The following ST18 variants were observed in gnomAD, a reference collection of about 807,000 sequenced individuals.
The protein encoded by ST18 is suppression of tumorigenicity 18 protein.
Under a neutral mutation model 110.0 loss-of-function variants are expected in ST18, and 50 were observed. The observed-to-expected ratio is 0.45, with a 90% CI of 0.36 to 0.58. The LOEUF (loss-of-function observed/expected upper bound fraction) is 0.58, where lower values mean the gene tolerates loss of function less well. ST18 is among the 20% of genes least tolerant of loss of function. The pLI is 0.00. For synonymous variants in ST18, 461 were observed against 452.4 expected (o/e 1.02, Z -0.24); for missense variants, 1,306 against 1,280.1 (o/e 1.02, Z -0.31).
chr8:52,308,235 C>T (rs956837305), intron 2 of ST18, among the ~76,000 whole-genome samples: 33 of 152,312 alleles, frequency 2.2e-4, no homozygotes, highest in African/African-American at 6.3e-4. Flanking sequence ...AAAACCACAT[C>T]GGCTGTGAGC....
chr8:52,211,602 T>C (rs1460080317), intron 8 of ST18, among the ~76,000 whole-genome samples: 2 of 152,044 alleles, frequency 1.3e-5, no homozygotes, highest in Non-Finnish European at 2.9e-5. Context: ...AGTCGGGGTT[T>C]CGCCATGTTG....
At chr8:52,133,532 AAT>A (rs2050648019) in intron 19 of ST18, among the ~76,000 whole-genome samples, 1 of 152,026 alleles carries the variant, frequency 6.6e-6, no homozygotes, top group Non-Finnish European at 1.5e-5. Context: ...AATCAATTTA[AAT>A]ATTTTTAAGG....
intron 15 of ST18, 29 bp from the exon 16 acceptor site, chr8:52,150,006 T>C: frequency 6.3e-7 from 1 of 1,594,690 alleles, no homozygotes; most frequent in Non-Finnish European, 8.5e-7. Flanking sequence ...CAGAAAAACA[T>C]TTAAGCAGTT....
At chr8:52,219,358 T>C (rs1588723299) in intron 5 of ST18, among the ~76,000 whole-genome samples, 1 of 152,210 alleles carries the variant, frequency 6.6e-6, no homozygotes. Context: ...TCAGGAAGAA[T>C]AGGAGCGAAT....
At chr8:52,241,403 G>A (rs1254775838) in intron 2 of ST18, among the ~76,000 whole-genome samples, 1 of 152,218 alleles carries the variant, frequency 6.6e-6, no homozygotes, top group Non-Finnish European at 1.5e-5. Context: ...GCTATGCCTG[G>A]TGAGATGCTC....
intron 2 of ST18, among the ~76,000 whole-genome samples, chr8:52,252,377 C>T (rs1380118481): frequency 1.3e-5 from 2 of 151,894 alleles, no homozygotes; most frequent in Non-Finnish European, 2.9e-5. Flanking sequence ...TTTAAGGAGG[C>T]AGCTACCATG....
At chr8:52,388,596 T>G (rs1837819902) in intron 2 of ST18, among the ~76,000 whole-genome samples, 1 of 151,700 alleles carries the variant, frequency 6.6e-6, no homozygotes, top group African/African-American at 2.4e-5. Context: ...GCTTGTTGAG[T>G]GATTTCGCAC....
chr8:52,391,688 G>T (rs1839363831), intron 2 of ST18, among the ~76,000 whole-genome samples: 1 of 152,156 alleles, frequency 6.6e-6, no homozygotes, highest in Admixed American at 6.5e-5. Context: ...TGTGTAGTGG[G>T]CACTACCATC....
At position 52,165,238 on chromosome 8, in the gene ST18, C is replaced by G. The variant is rs1158723374; in HGVS notation, c.1205-13G>C. On this transcript the variant is annotated splice_polypyrimidine_tract_variant and intron_variant, in intron 11 of 25. Transcript: ENST00000689386. ...TGCATGGCAAGAACTAAGCACAAAA[C>G]AACACATAAAGGAAAGAATACTTTA... 3 of 1,613,696 alleles carry G rather than the reference C, an allele frequency of 1.9e-6. No individual in the cohort carries two copies.
chr8:52,212,134 G>T, intron 7 of ST18, 25 bp from the exon 8 acceptor site: 1 of 1,592,656 alleles, frequency 6.3e-7, no homozygotes, highest in Non-Finnish European at 8.5e-7. Context: ...AGAAAAAAAA[G>T]AAGACTTAAT....
chr8:52,357,701 ATATATAT>A (rs1823568158), intron 2 of ST18, among the ~76,000 whole-genome samples: 3 of 110,162 alleles, frequency 2.7e-5, no homozygotes, highest in Admixed American at 8.9e-5. Context: ...ATATATATAT[ATATATAT>A]ATATATATAT....
At chr8:52,206,575 G>C (rs1001890794) in intron 8 of ST18, 1 of 152,232 alleles carries the variant, frequency 6.6e-6, no homozygotes, top group Non-Finnish European at 1.5e-5. Context: ...CGATGCCGGG[G>C]TGGCTGAACC....
At chr8:52,251,008 T>C (rs2094272583) in intron 2 of ST18, among the ~76,000 whole-genome samples, 6 of 152,144 alleles carry the variant, frequency 3.9e-5, no homozygotes, top group Admixed American at 3.9e-4. Context: ...GCCAATGAAA[T>C]CTTTTCTTCA....
intron 10 of ST18, among the ~76,000 whole-genome samples, chr8:52,169,301 T>TTAACCAAG (rs1186076393): frequency 4.6e-5 from 7 of 152,202 alleles, no homozygotes; most frequent in Non-Finnish European, 1.0e-4. Flanking sequence ...CCTTATACTC[T>TTAACCAAG]GGTGATGTTA....
chr8:52,203,912 CG>C (rs2078980064), intron 8 of ST18, among the ~76,000 whole-genome samples: 1 of 152,148 alleles, frequency 6.6e-6, no homozygotes, highest in East Asian at 1.9e-4. Context: ...TGGAATTTGA[CG>C]GAGACTTCAG....
Position 52,293,150 on chromosome 8 carries a change from G to C in ST18, c.-464-63073C>G, listed in dbSNP as rs148707304. The stretch of plus-strand genomic sequence containing the variant: ...AGGCAGCATTCTCCAACATGACATA[G>C]GAAGTGTTTTAGTTTTTCACCTCAC... On this transcript the variant is annotated intron_variant, in intron 2 of 25. Transcript: ENST00000689386. Among the ~76,000 whole-genome samples, 899 of 152,338 alleles carry C rather than the reference G, an allele frequency of 5.9e-3. 5 individuals are homozygous for C. Among genetic ancestry groups the C allele is most frequent in the African/African-American group, 0.02 (851 of 41,582 alleles).
intron 2 of ST18, among the ~76,000 whole-genome samples, chr8:52,291,181 C>T (rs373664606): frequency 2.0e-5 from 3 of 152,322 alleles, no homozygotes; most frequent in South Asian, 2.1e-4. Flanking sequence ...TTCACTGCCC[C>T]ATCCCTACCT....
intron 2 of ST18, among the ~76,000 whole-genome samples, chr8:52,268,461 TATCTATC>T (rs1156940270): frequency 7.0e-6 from 1 of 142,796 alleles, no homozygotes; most frequent in African/African-American, 2.6e-5. Context: ...ATCGTCTATC[TATCTATC>T]ATCTATCTAT....
intron 2 of ST18, among the ~76,000 whole-genome samples, chr8:52,260,897 C>A (rs559112140): frequency 1.3e-5 from 2 of 152,308 alleles, no homozygotes; most frequent in East Asian, 3.9e-4. Flanking sequence ...CACAATGTCT[C>A]AAACAAAGGA....
Sources: allele counts gnomAD v4.1 joint callset (sites outside exome capture counted in the v4.1 genomes callset), GRCh38; gene constraint gnomAD v4.1.1; transcripts MANE v1.5; gene names NCBI Gene and HGNC (gene_info 2026-07-23, HGNC 2026-07-21).